Variants in DLGAP1 observed in about 807,000 individuals in gnomAD.
The protein encoded by DLGAP1 is DLG associated protein 1.
In DLGAP1, 11 loss-of-function variants were observed where a neutral mutation model predicts 90.8. That is an observed-to-expected ratio of 0.12 (90% CI 0.08 to 0.20). The LOEUF (loss-of-function observed/expected upper bound fraction) is 0.20. DLGAP1 is among the 10% of genes least tolerant of loss of function. DLGAP1 has a pLI of 1.00. For synonymous variants in DLGAP1, 558 were observed against 540.7 expected (o/e 1.03, Z -0.44); for missense variants, 1,050 against 1,333.8 (o/e 0.79, Z 3.31).
chr18:3,809,739 T>A (rs780270693), intron 5 of DLGAP1, among the ~76,000 whole-genome samples: 2 of 152,232 alleles, frequency 1.3e-5, no homozygotes, highest in Non-Finnish European at 2.9e-5. Flanking sequence ...GATATTTGAA[T>A]TTAACTTCAG....
intron 7 of DLGAP1, among the ~76,000 whole-genome samples, chr18:3,659,560 CTT>C: frequency 7.0e-6 from 1 of 142,368 alleles, no homozygotes. Flanking sequence ...AGCTCAATAT[CTT>C]TTTTTTTTTT....
intron 9 of DLGAP1, 93 bp downstream of exon 9, chr18:3,567,397 A>G: frequency 9.2e-7 from 1 of 1,081,246 alleles, no homozygotes. Flanking sequence ...AGAGGAAAAT[A>G]TCATTGAATT....
intron 3 of DLGAP1, among the ~76,000 whole-genome samples, chr18:3,904,893 C>T (rs1178008871): frequency 6.6e-6 from 1 of 152,010 alleles, no homozygotes; most frequent in Non-Finnish European, 1.5e-5. Flanking sequence ...ATGTACCCCA[C>T]TCATTTGGCA....
chr18:4,346,268 G>A (rs938376308), intron 1 of DLGAP1, among the ~76,000 whole-genome samples: 3 of 151,874 alleles, frequency 2.0e-5, no homozygotes, highest in Admixed American at 6.6e-5. Flanking sequence ...TTTTTTTAAA[G>A]AGCATGAGCT....
chr18:4,445,402 T>G (rs12386116), intron 1 of DLGAP1, among the ~76,000 whole-genome samples: 25,211 of 147,532 alleles, frequency 0.17, 2,544 homozygotes, highest in East Asian at 0.48. Context: ...ACCCACTAAC[T>G]CGTCATCTAG....
intron 5 of DLGAP1, among the ~76,000 whole-genome samples, chr18:3,750,938 C>T (rs1397023199): frequency 6.6e-6 from 1 of 152,158 alleles, no homozygotes; most frequent in African/African-American, 2.4e-5. Context: ...CTTTGTTCTT[C>T]CCAGACTAAA....
chr18:3,885,100 T>A (rs145064506), intron 3 of DLGAP1, among the ~76,000 whole-genome samples: 1 of 152,224 alleles, frequency 6.6e-6, no homozygotes, highest in South Asian at 2.1e-4. Context: ...CCATTGGCAA[T>A]GGGTAGACAA....
chr18:4,264,809 G>A (rs963466697), intron 1 of DLGAP1: 9 of 152,304 alleles, frequency 5.9e-5, no homozygotes, highest in African/African-American at 2.2e-4. Flanking sequence ...TTCCAGCAGA[G>A]GCAAACTTGA....
At chr18:4,182,809 C>A (rs1452862061) in intron 1 of DLGAP1, among the ~76,000 whole-genome samples, 4 of 152,084 alleles carry the variant, frequency 2.6e-5, no homozygotes, top group Non-Finnish European at 4.4e-5. Flanking sequence ...AATGCTGGAC[C>A]ATGGACAGGT....
At chr18:4,002,443 C>CTCCCCGGCTGCTGCCACCCCG (rs1325752453) in intron 3 of DLGAP1, among the ~76,000 whole-genome samples, 7 of 152,104 alleles carry the variant, frequency 4.6e-5, no homozygotes, top group South Asian at 2.1e-4. Flanking sequence ...TCTTCTCCCT[C>CTCCCCGGCTGCTGCCACCCCG]ATCAGCCTAC....
chr18:3,879,006 T>G lies in DLGAP1; in HGVS notation c.957+106A>C, dbSNP rs2071074712. On this transcript the variant is annotated intron_variant, in intron 4 of 12. Transcript: ENST00000315677. This position sits in a 1 kb window ranked among gnomAD's most constrained non-coding sequence, Gnocchi z 6.6. ...GCCGAATAATTTGCACAGGTTCCTA[T>G]CTTAATAGACAATTCAGAGTAGTGC... is the stretch of plus-strand genomic sequence containing the variant. 1 of 960,688 alleles carries G rather than the reference T, an allele frequency of 1.0e-6. No individual in the cohort carries two copies. The highest frequency in any genetic ancestry group is 1.7e-5 in the African/African-American group (1 of 59,520). The allele number at this position is 960,688 out of a possible 1,614,324, so 59.5% of individuals were successfully genotyped here. A position where few individuals can be genotyped will look rare whatever the true frequency, so the allele number is the denominator to read the frequency against.
intron 3 of DLGAP1, among the ~76,000 whole-genome samples, chr18:3,965,226 G>A (rs957102029): frequency 2.6e-5 from 4 of 152,226 alleles, no homozygotes; most frequent in Admixed American, 6.5e-5. Flanking sequence ...ATGTCAATAT[G>A]GGCACTTGGA....
At chr18:4,267,287 T>C (rs1310615602) in intron 1 of DLGAP1, among the ~76,000 whole-genome samples, 2 of 152,326 alleles carry the variant, frequency 1.3e-5, no homozygotes, top group East Asian at 3.9e-4. Context: ...TGCCCACCTG[T>C]GCACCTAATC....
At chr18:3,555,706 A>G (rs1204078735) in intron 9 of DLGAP1, among the ~76,000 whole-genome samples, 1 of 152,166 alleles carries the variant, frequency 6.6e-6, no homozygotes, top group Admixed American at 6.5e-5. Flanking sequence ...GCTACTTAGG[A>G]GGCTGAGGCA....
rs191770627 is a variant in DLGAP1, at chr18:3,743,563, C to T, written c.1173-1051G>A. 1.1e-3 allele frequency among the ~76,000 whole-genome samples: 160 copies of T among 152,106 alleles called. 1 individual carries two copies. Among genetic ancestry groups the T allele is most frequent in the African/African-American group, 3.7e-3 (155 of 41,478 alleles). The stretch of plus-strand genomic sequence containing the variant: ...TAGAGACGGGGTTTCACAGTGTTAT[C>T]CAGGATGGTCTCGATCTCCTGACCT... On this transcript the variant is annotated intron_variant, in intron 5 of 12. Transcript: ENST00000315677.
intron 3 of DLGAP1, among the ~76,000 whole-genome samples, chr18:3,904,965 C>G (rs911422591): frequency 5.9e-5 from 9 of 151,606 alleles, no homozygotes; most frequent in Non-Finnish European, 1.0e-4. Context: ...TAAATAGAAA[C>G]CTTGGCCCTA....
intron 3 of DLGAP1, among the ~76,000 whole-genome samples, chr18:3,929,059 C>T (rs2072457199): frequency 6.6e-6 from 1 of 152,188 alleles, no homozygotes; most frequent in Non-Finnish European, 1.5e-5. Context: ...CCTCCGCCTT[C>T]TACTATCATT....
chr18:3,976,266 T>C (rs11661129), intron 3 of DLGAP1, among the ~76,000 whole-genome samples: 67,405 of 150,606 alleles, frequency 0.45, 15,283 homozygotes, highest in Middle Eastern at 0.51. Context: ...ATCCCAGCTC[T>C]TTGGGAGGCT....
intron 1 of DLGAP1, among the ~76,000 whole-genome samples, chr18:4,246,957 G>A (rs1012334896): frequency 1.3e-5 from 2 of 152,138 alleles, no homozygotes; most frequent in Non-Finnish European, 2.9e-5. Flanking sequence ...AGCCCCATGA[G>A]AGATAAGCTC....
Sources: gnomAD v4.1 joint callset for allele counts (sites outside exome capture counted in the v4.1 genomes callset) on GRCh38, gnomAD v4.1.1 for gene constraint, Gnocchi (gnomAD v3.1) non-coding constraint, MANE v1.5 for transcripts, NCBI Gene and HGNC (gene_info 2026-07-23, HGNC 2026-07-21) for gene names.